CLK3: variants seen among roughly 807,000 people sequenced by gnomAD.
CLK3 encodes the protein dual specificity protein kinase CLK3.
A neutral mutation model predicts 65.2 loss-of-function variants in CLK3; 24 were observed. That is an observed-to-expected ratio of 0.37 (90% confidence interval 0.27 to 0.52). The LOEUF (loss-of-function observed/expected upper bound fraction) is 0.52. Ranked by LOEUF, CLK3 falls within the 20% of genes least tolerant of loss-of-function variation. The pLI, the probability that CLK3 is intolerant of heterozygous loss-of-function variation, is 0.92. For synonymous variants in CLK3, 252 were observed against 240.8 expected (o/e 1.05, Z -0.43); for missense variants, 506 against 660.0 (o/e 0.77, Z 2.56).
chr15:74,627,892 G>T lies in CLK3; in HGVS notation c.1043-78G>T. On this transcript the variant is annotated intron_variant, in intron 9 of 12. Transcript: ENST00000395066. The surrounding 1 kb of genome is among the most constrained non-coding windows in gnomAD (Gnocchi z 4.3). ...ATTTGGGCAAGAGTCCTGCCAGCCG[G>T]TGTGGTGGCTGCCTTGTGACTTCCA... 1.6e-6 allele frequency: 2 copies of T among 1,265,746 alleles called. No homozygotes were observed. The highest frequency in any genetic ancestry group is 1.2e-5 in the South Asian group (1 of 83,188). 78.4% of individuals were successfully genotyped at this position (1,265,746 alleles called of 1,614,324 possible).
chr15:74,615,772 G>A, upstream of CLK3: 4 of 1,243,682 alleles, frequency 3.2e-6, no homozygotes, highest in Non-Finnish European at 3.0e-6. Flanking sequence ...GCCGGGTCGA[G>A]CCGAGGCTGG....
chr15:74,613,855 G>T (rs1016654811), upstream of CLK3, among the ~76,000 whole-genome samples: 7 of 152,156 alleles, frequency 4.6e-5, no homozygotes. Context: ...ATGAAACCCC[G>T]AGATGGAACC....
At chr15:74,608,438 A>AC (rs1364054965) in intron 1 of CLK3, 1 of 152,056 alleles carries the variant, frequency 6.6e-6, no homozygotes, top group East Asian at 1.9e-4. Context: ...TACAGCATGG[A>AC]CCCCAGATCA....
At position 74,620,142 on chromosome 15, in the gene CLK3, CG is replaced by C; in HGVS notation, c.289del (p.Glu97ArgfsTer89). 1 of 1,614,098 alleles carries C rather than the reference CG, an allele frequency of 6.2e-7. No homozygotes were observed. Among genetic ancestry groups the C allele is most frequent in the African/African-American group, 1.3e-5 (1 of 75,038 alleles). ...PSRSRHRRRS[R>X]ERGPYRTRKH... ...ACGTTCTCGTCATCGTCGGCGATCGCGGGAGAGGGGGCCATACCGGACCCGC... is the reference window on the plus strand; with the variant it reads ...ACGTTCTCGTCATCGTCGGCGATCGCGGAGAGGGGGCCATACCGGACCCGC... On this transcript the variant is annotated frameshift_variant, in exon 3 of 13. Coordinates refer to ENST00000395066, the MANE Select transcript of CLK3 (RefSeq NM_001130028.2). LOFTEE classifies it high-confidence loss of function.
chr15:74,616,508 C>T (rs2062061194), intron 1 of CLK3, among the ~76,000 whole-genome samples: 1 of 152,276 alleles, frequency 6.6e-6, no homozygotes, highest in African/African-American at 2.4e-5. Context: ...AATCCCCTGG[C>T]TGCTCCTCCG....
At chr15:74,611,464 C>T (rs910733927), upstream of CLK3, among the ~76,000 whole-genome samples, 1 of 152,250 alleles carries the variant, frequency 6.6e-6, no homozygotes, top group Non-Finnish European at 1.5e-5. Flanking sequence ...CTCTGCAGCA[C>T]CAGGGCTTGC....
chr15:74,622,693 C>T lies in CLK3; in HGVS notation c.533+133C>T. 2 of 604,038 alleles carry T rather than the reference C, an allele frequency of 3.3e-6. No individual in the cohort carries two copies. The highest frequency in any genetic ancestry group is 5.6e-6 in the Non-Finnish European group (2 of 357,442). 37.4% of individuals were successfully genotyped at this position (604,038 alleles called of 1,614,324 possible). Reference sequence around the variant, plus strand: ...TGAAGGGTGGCATCAAAGTAGGGTTCCGACCTGTCCATGTTGGGGTTTTGC... The same window carrying T: ...TGAAGGGTGGCATCAAAGTAGGGTTTCGACCTGTCCATGTTGGGGTTTTGC... On this transcript the variant is annotated intron_variant, in intron 5 of 12. Transcript: ENST00000395066. This position sits in a 1 kb window ranked among gnomAD's most constrained non-coding sequence, Gnocchi z 4.6.
chr15:74,627,796 A>T lies in CLK3; in HGVS notation c.1042+128A>T. ...GCAGAGTTTCTCAGACCAAGGGGCCAGTGTCATGAGACACAGGTGACTGAC... is the reference window on the plus strand; with the variant it reads ...GCAGAGTTTCTCAGACCAAGGGGCCTGTGTCATGAGACACAGGTGACTGAC... On this transcript the variant is annotated intron_variant, in intron 9 of 12. Transcript: ENST00000395066. The surrounding 1 kb of genome is among the most constrained non-coding windows in gnomAD (Gnocchi z 4.3). 7.3e-7 allele frequency: 1 copy of T among 1,365,054 alleles called. No homozygotes were observed. The highest frequency in any genetic ancestry group is 1.0e-6 in the Non-Finnish European group (1 of 969,530). The allele number at this position is 1,365,054 out of a possible 1,614,324, so 84.6% of individuals were successfully genotyped here.
At chr15:74,623,010 G>A (rs1035444350) in intron 5 of CLK3, among the ~76,000 whole-genome samples, 4 of 152,156 alleles carry the variant, frequency 2.6e-5, no homozygotes, top group African/African-American at 9.7e-5. Context: ...GATCTCAGTC[G>A]AGAGAAACAT....
In CLK3 at chr15:74,630,174, TATTA is replaced by T; in HGVS notation, c.*294_*297del. The stretch of plus-strand genomic sequence containing the variant: ...TCCTTGCCTTCCCCTTACCTGACCT[TATTA>T]ATAAAGTCTTTCTTAGCAGTTCAGC... On this transcript the variant is annotated 3_prime_UTR_variant, in exon 13 of 13. Transcript: ENST00000395066. 1 of 346,878 alleles carries T rather than the reference TATTA, an allele frequency of 2.9e-6. No homozygotes were observed. Among genetic ancestry groups the T allele is most frequent in the East Asian group, 5.0e-5 (1 of 20,190 alleles). 21.5% of individuals were successfully genotyped at this position (346,878 alleles called of 1,614,324 possible). A position where few individuals can be genotyped will look rare whatever the true frequency, so the allele number is the denominator to read the frequency against.
At chr15:74,628,915 A>G (rs1057350821) in intron 11 of CLK3, 27 bp from the exon 12 acceptor site, 2 of 1,535,706 alleles carry the variant, frequency 1.3e-6, no homozygotes, top group Admixed American at 3.4e-5. Context: ...CTACTCCCAC[A>G]CTTGACTCCA....
Position 74,622,356 on chromosome 15 carries a change from T to G in CLK3, c.467-138T>G. 1 of 1,024,600 alleles carries G rather than the reference T, an allele frequency of 9.8e-7. No individual in the cohort carries two copies. Among genetic ancestry groups the G allele is most frequent in the Non-Finnish European group, 1.5e-6 (1 of 678,880 alleles). The allele number at this position is 1,024,600 out of a possible 1,614,324, so 63.5% of individuals were successfully genotyped here. ...GTAATTGCCTGAATGACACAGACAC[T>G]AGCAACTTCCATTTTTAAGAGTGTA... On this transcript the variant is annotated intron_variant, in intron 4 of 12. Coordinates refer to ENST00000395066, the MANE Select transcript of CLK3 (RefSeq NM_001130028.2). This position sits in a 1 kb window ranked among gnomAD's most constrained non-coding sequence, Gnocchi z 4.6.
chr15:74,623,387 G>A (rs1348188389), intron 5 of CLK3, among the ~76,000 whole-genome samples: 1 of 152,194 alleles, frequency 6.6e-6, no homozygotes. Context: ...ACATGCTCAG[G>A]GTTTGCCTGC....
rs774973341 is a variant in CLK3 at position 74,625,850 on chromosome 15, C to T, written c.699C>T (p.Cys233=). Residue 233 remains cysteine, a synonymous_variant, in exon 7 of 13, where the codon TGC becomes TGT. Transcript: ENST00000395066. ...GGTTCAACTTCCACGGTCACATGTG[C>T]ATCGCCTTTGAGCTCCTGGGCAAGA... ...SDWFNFHGHM[C]IAFELLGKNT... is the part of the protein sequence containing the mutation. 1 of 1,614,176 alleles carries T rather than the reference C, an allele frequency of 6.2e-7. No homozygotes were observed. Among genetic ancestry groups the T allele is most frequent in the Admixed American group, 1.7e-5 (1 of 60,022 alleles).
chr15:74,616,016 C>T (rs2062056259), intron 1 of CLK3, 118 bp downstream of exon 1: 1 of 805,320 alleles, frequency 1.2e-6, no homozygotes, highest in Non-Finnish European at 1.7e-6. Context: ...TTCTCCTCTT[C>T]GGCCCATATC....
At chr15:74,614,197 A>G (rs2062026560), upstream of CLK3, among the ~76,000 whole-genome samples, 1 of 152,158 alleles carries the variant, frequency 6.6e-6, no homozygotes, top group African/African-American at 2.4e-5. Flanking sequence ...TATTTTTAGT[A>G]GAGACGGGGT....
intron 10 of CLK3, 137 bp downstream of exon 10, chr15:74,628,189 AC>A: frequency 1.4e-6 from 1 of 692,604 alleles, no homozygotes; most frequent in East Asian, 2.6e-5. Flanking sequence ...TGAGATTCAG[AC>A]CCTTTAAGGA....
At chr15:74,629,473 C>T (rs1567146236) in intron 12 of CLK3, 1 of 574,762 alleles carries the variant, frequency 1.7e-6, no homozygotes, top group Non-Finnish European at 3.1e-6. Context: ...CATGTGGGGG[C>T]AGAGGCATCA....
chr15:74,625,702 C>T (rs1417702714), intron 6 of CLK3, 100 bp from the exon 7 acceptor site: 19 of 1,260,836 alleles, frequency 1.5e-5, no homozygotes, highest in Admixed American at 1.1e-4. Flanking sequence ...GTGTGTGACC[C>T]GGTGGCCTAG....
Sources: allele counts gnomAD v4.1 joint callset (sites outside exome capture counted in the v4.1 genomes callset), GRCh38; gene constraint gnomAD v4.1.1; non-coding constraint Gnocchi (gnomAD v3.1); transcripts MANE v1.5; gene names NCBI Gene and HGNC (gene_info 2026-07-23, HGNC 2026-07-21).